Variants in PLEKHG1 observed in about 807,000 individuals in gnomAD.
The protein encoded by PLEKHG1 is pleckstrin homology domain-containing family G member 1.
PLEKHG1 carries 44 observed loss-of-function variants against 100.8 expected under a neutral mutation model. The observed-to-expected ratio is 0.44, with a 90% CI of 0.34 to 0.56. PLEKHG1 has a LOEUF of 0.56. PLEKHG1 is among the 20% of genes least tolerant of loss of function. The pLI is 0.01. For synonymous variants in PLEKHG1, 640 were observed against 662.5 expected (o/e 0.97, Z 0.52); for missense variants, 1,545 against 1,720.9 (o/e 0.90, Z 1.81).
chr6:150,639,335 T>G (rs548633799), intron 2 of PLEKHG1, among the ~76,000 whole-genome samples: 2 of 152,218 alleles, frequency 1.3e-5, no homozygotes, highest in Non-Finnish European at 2.9e-5. Context: ...TTTAAGAAAT[T>G]GACAATGAAC....
intron 1 of PLEKHG1, among the ~76,000 whole-genome samples, chr6:150,601,410 A>G (rs894387266): frequency 3.9e-5 from 6 of 152,170 alleles, no homozygotes; most frequent in African/African-American, 1.4e-4. Context: ...AGCAGTGCAC[A>G]CGAACCAGAT....
chr6:150,641,434 CAT>C (rs1778253711), intron 2 of PLEKHG1, among the ~76,000 whole-genome samples: 3 of 152,140 alleles, frequency 2.0e-5, no homozygotes, highest in African/African-American at 7.2e-5. Flanking sequence ...CGTGTAAGCA[CAT>C]GTTAGATATG....
rs191330276 is a variant in PLEKHG1, at chr6:150,622,073, C to A, written c.-203-16007C>A. Reference sequence around the variant, plus strand: ...TCCTCCTCCGAGAGCTCTGTCCACACCTGGGGTCAGCTTGGTTGTGCCAGC... The same window carrying A: ...TCCTCCTCCGAGAGCTCTGTCCACAACTGGGGTCAGCTTGGTTGTGCCAGC... On this transcript the variant is annotated intron_variant, in intron 1 of 3. Transcript: ENST00000367326. Among the ~76,000 whole-genome samples the A allele has an allele frequency of 1.0e-3, 158 of 152,254 alleles. 1 individual carries two copies. The highest frequency in any genetic ancestry group is 4.4e-3 in the Admixed American group (68 of 15,294).
chr6:150,841,980 T>C (rs1255019915), exon 16 of PLEKHG1: 2 of 152,184 alleles, frequency 1.3e-5, no homozygotes, highest in African/African-American at 4.8e-5. Context: ...CTTTTTTTCG[T>C]TGTTTTCAGG....
chr6:150,697,440 C>T (rs749829448), intron 3 of PLEKHG1, among the ~76,000 whole-genome samples: 5 of 152,142 alleles, frequency 3.3e-5, no homozygotes, highest in Admixed American at 1.3e-4. Flanking sequence ...CTTAAAGAAG[C>T]GAACCCTGAG....
intron 15 of PLEKHG1, among the ~76,000 whole-genome samples, chr6:150,835,676 G>T (rs1777186079): frequency 6.6e-6 from 1 of 152,146 alleles, no homozygotes. Flanking sequence ...TCTCAGGCTG[G>T]CTGTTCCCTG....
intron 2 of PLEKHG1, among the ~76,000 whole-genome samples, chr6:150,737,826 A>C (rs1240890346): frequency 6.6e-6 from 1 of 151,886 alleles, no homozygotes; most frequent in Non-Finnish European, 1.5e-5. Flanking sequence ...TATTTTGAAT[A>C]AGCATCTCAC....
chr6:150,649,459 A>G (rs2128572835), intron 2 of PLEKHG1, among the ~76,000 whole-genome samples: 1 of 152,284 alleles, frequency 6.6e-6, no homozygotes, highest in African/African-American at 2.4e-5. Context: ...TCATCCCTCA[A>G]TCAACTGGAA....
intron 6 of PLEKHG1, among the ~76,000 whole-genome samples, chr6:150,802,950 G>A (rs993023725): frequency 1.1e-4 from 16 of 152,012 alleles, no homozygotes; most frequent in Admixed American, 4.6e-4. Flanking sequence ...GTGAGCCACC[G>A]TGCCTGGCCC....
chr6:150,666,576 T>C (rs1779399661), intron 3 of PLEKHG1, among the ~76,000 whole-genome samples: 1 of 152,116 alleles, frequency 6.6e-6, no homozygotes, highest in Admixed American at 6.5e-5. Context: ...TACCTAGGTG[T>C]TCATTGCAGA....
rs919104888 is a variant in PLEKHG1 at position 150,808,994 on chromosome 6, C to A, written c.913-111C>A. 23 of 794,226 alleles carry A rather than the reference C, an allele frequency of 2.9e-5. No homozygotes were observed. In the East Asian group the frequency reaches 4.2e-4, roughly 14 times the overall value. 49.2% of individuals were successfully genotyped at this position (794,226 alleles called of 1,614,324 possible). A position where few individuals can be genotyped will look rare whatever the true frequency, so the allele number is the denominator to read the frequency against. On this transcript the variant is annotated intron_variant, in intron 7 of 15. Coordinates refer to ENST00000358517, the Ensembl canonical transcript of PLEKHG1. ...ATCAGATACCACGTAGATAGTTAGA[C>A]CCCCTCAGGGACGATTTGGCACCAT...
At chr6:150,792,400 G>A (rs1269077637) in intron 4 of PLEKHG1, among the ~76,000 whole-genome samples, 1 of 148,498 alleles carries the variant, frequency 6.7e-6, no homozygotes, top group Non-Finnish European at 1.5e-5. Flanking sequence ...CTGGCTGGGC[G>A]CGGTGGCTCA....
intron 1 of PLEKHG1, among the ~76,000 whole-genome samples, chr6:150,620,091 A>G (rs2128556741): frequency 6.6e-6 from 1 of 151,498 alleles, no homozygotes; most frequent in South Asian, 2.1e-4. Flanking sequence ...CACATTTCAT[A>G]TTTTTGTTTT....
At chr6:150,666,346 A>G (rs542566604) in intron 3 of PLEKHG1, among the ~76,000 whole-genome samples, 1 of 152,302 alleles carries the variant, frequency 6.6e-6, no homozygotes, top group East Asian at 1.9e-4. Flanking sequence ...TGAGTTCGCC[A>G]CAGGATAACA....
At position 150,819,663 on chromosome 6, in the gene PLEKHG1, G is replaced by A. The variant is rs542739108; in HGVS notation, c.1313-16G>A. 24 of 1,503,360 alleles carry A rather than the reference G, an allele frequency of 1.6e-5. No individual in the cohort carries two copies. The highest frequency in any genetic ancestry group is 5.0e-5 in the Admixed American group (3 of 59,850). 93.1% of individuals were successfully genotyped at this position (1,503,360 alleles called of 1,614,324 possible). ...TGACACCACAGTCCCACTGATGCAC[G>A]TGGTTATCTTTACAGATCATCCAGG... On this transcript the variant is annotated splice_polypyrimidine_tract_variant and intron_variant, in intron 11 of 15. Coordinates refer to ENST00000358517, the Ensembl canonical transcript of PLEKHG1.
chr6:150,637,382 G>C (rs1778048801), intron 1 of PLEKHG1, among the ~76,000 whole-genome samples: 1 of 149,812 alleles, frequency 6.7e-6, no homozygotes, highest in Non-Finnish European at 1.5e-5. Context: ...TTGTTTGTTT[G>C]TTTTTGGGTT....
chr6:150,605,540 T>C (rs1297747638), intron 1 of PLEKHG1: 4 of 152,226 alleles, frequency 2.6e-5, no homozygotes, highest in Non-Finnish European at 5.9e-5. Context: ...ATTGAGAACC[T>C]ACTATGCCTA....
At chr6:150,672,833 G>T (rs1779624014) in intron 3 of PLEKHG1, among the ~76,000 whole-genome samples, 1 of 152,142 alleles carries the variant, frequency 6.6e-6, no homozygotes, top group Admixed American at 6.5e-5. Context: ...CAGTATTTCT[G>T]CAGGTAGACT....
chr6:150,610,354 G>A (rs1468957274), intron 1 of PLEKHG1, among the ~76,000 whole-genome samples: 3 of 152,164 alleles, frequency 2.0e-5, no homozygotes, highest in African/African-American at 7.2e-5. Context: ...CACCTGCTTC[G>A]GCCTCCCGAA....
Sources: allele counts gnomAD v4.1 joint callset (sites outside exome capture counted in the v4.1 genomes callset), GRCh38; gene constraint gnomAD v4.1.1; transcripts MANE v1.5; gene names NCBI Gene and HGNC (gene_info 2026-07-23, HGNC 2026-07-21).